PON3: variants seen among roughly 807,000 people sequenced by gnomAD.
The protein encoded by PON3 is serum paraoxonase/lactonase 3.
In PON3, 37 loss-of-function variants were observed where a neutral mutation model predicts 36.3. That is an observed-to-expected ratio of 1.02 (90% CI 0.78 to 1.34). The LOEUF is 1.34. PON3 is among the 40% of genes most tolerant of loss of function. PON3 has a pLI of 0.00. For missense variants in PON3, 415 were observed against 426.5 expected (o/e 0.97, Z 0.24); for synonymous variants, 155 against 154.8 (o/e 1.00, Z -0.01).
chr7:95,368,763 G>A (rs1808749195), intron 4 of PON3, among the ~76,000 whole-genome samples: 1 of 145,968 alleles, frequency 6.9e-6, no homozygotes, highest in Admixed American at 7.0e-5. Context: ...CTGATTATAT[G>A]ACTGTTATTG....
chr7:95,359,959 T>A lies in PON3; in HGVS notation c.*14A>T, dbSNP rs2116370303. Reference sequence around the variant, plus strand: ...ATATGTAGACTTTTTTTTTTTTTTTTTACTATCTAGAGTCTAGAGCTCACA... The same window carrying A: ...ATATGTAGACTTTTTTTTTTTTTTTATACTATCTAGAGTCTAGAGCTCACA... On this transcript the variant is annotated 3_prime_UTR_variant, in exon 9 of 9. Coordinates refer to ENST00000265627, the MANE Select transcript of PON3 (RefSeq NM_000940.3). The A allele has an allele frequency of 5.0e-6, 8 of 1,595,768 alleles. No homozygotes were observed. The highest frequency in any genetic ancestry group is 6.0e-6 in the Non-Finnish European group (7 of 1,173,236).
intron 2 of PON3, among the ~76,000 whole-genome samples, chr7:95,393,691 T>A (rs1809368581): frequency 6.6e-6 from 1 of 151,930 alleles, no homozygotes; most frequent in Admixed American, 6.6e-5. Context: ...ATAGGAAAAG[T>A]CTAGAAGCAG....
At chr7:95,389,473 T>G (rs887441830) in intron 3 of PON3, among the ~76,000 whole-genome samples, 1 of 152,168 alleles carries the variant, frequency 6.6e-6, no homozygotes, top group Non-Finnish European at 1.5e-5. Context: ...CAAAATCATA[T>G]CCCCATTTCA....
chr7:95,360,072 G>T lies in PON3; in HGVS notation c.966C>A (p.Asn322Lys), dbSNP rs1007769043. 2.5e-6 allele frequency: 4 copies of T among 1,613,132 alleles called. No homozygotes were observed. The Admixed American group carries it at 5.0e-5, about 20-fold the overall frequency. Residue 322 changes from asparagine (N) to lysine (K), a missense_variant, in exon 9 of 9, where the codon AAC (asparagine) becomes AAA (lysine). Coordinates refer to ENST00000265627, the MANE Select transcript of PON3 (RefSeq NM_000940.3). ...AGGTGCCCTGAAGCACAGAGCCATTGTTGGCATACACGGTGCTCACCCTGG... is the reference window on the plus strand; with the variant it reads ...AGGTGCCCTGAAGCACAGAGCCATTTTTGGCATACACGGTGCTCACCCTGG... ...EKPRVSTVYA[N>K]NGSVLQGTSV...
chr7:95,396,334 G>T lies in PON3; in HGVS notation c.17C>A (p.Ala6Glu), dbSNP rs749809089. MGKLV[A>E]LVLLGVGLSL... The stretch of plus-strand genomic sequence containing the variant: ...CAGGCCGACCCCCAGCAGGACCAGC[G>T]CCACGAGCTTCCCCATGGTCTCGGG... The change falls in exon 1 of 9, where the codon GCG becomes GAG. Residue 6 changes from alanine (A) to glutamate (E), a missense_variant. By Grantham distance (107) the Ala-to-Glu change is moderately radical. Coordinates refer to ENST00000265627, the MANE Select transcript of PON3 (RefSeq NM_000940.3). 1.2e-6 allele frequency: 2 copies of T among 1,613,972 alleles called. No individual in the cohort carries two copies. Among genetic ancestry groups the T allele is most frequent in the South Asian group, 1.1e-5 (1 of 91,060 alleles).
At chr7:95,379,438 G>A (rs1348850163) in intron 3 of PON3, among the ~76,000 whole-genome samples, 1 of 152,250 alleles carries the variant, frequency 6.6e-6, no homozygotes, top group Non-Finnish European at 1.5e-5. Context: ...AAGGGTCAGG[G>A]AATTCCCTTT....
intron 4 of PON3, among the ~76,000 whole-genome samples, chr7:95,370,748 G>A (rs1431701918): frequency 1.3e-5 from 2 of 152,114 alleles, no homozygotes; most frequent in African/African-American, 4.8e-5. Context: ...GGAAACTATT[G>A]TTTTTAAAGC....
At chr7:95,381,287 G>C (rs896472652) in intron 3 of PON3, among the ~76,000 whole-genome samples, 1 of 152,176 alleles carries the variant, frequency 6.6e-6, no homozygotes, top group Non-Finnish European at 1.5e-5. Context: ...GGAAGAAACT[G>C]CATCAACTAA....
At position 95,388,272 on chromosome 7, in the gene PON3, T is replaced by G. The variant is rs557471430; in HGVS notation, c.201+1882A>C. Among the ~76,000 whole-genome samples the G allele has an allele frequency of 2.0e-5, 3 of 152,178 alleles. 1 individual carries two copies. The highest frequency in any genetic ancestry group is 7.2e-5 in the African/African-American group (3 of 41,516). Reference sequence around the variant, plus strand: ...AAAAACAAAGAACCCCGTCAAAAAGTGGGCAAAGAATATGAAGAGACACTT... The same window carrying G: ...AAAAACAAAGAACCCCGTCAAAAAGGGGGCAAAGAATATGAAGAGACACTT... On this transcript the variant is annotated intron_variant, in intron 3 of 8. Coordinates refer to ENST00000265627, the MANE Select transcript of PON3 (RefSeq NM_000940.3).
chr7:95,390,611 C>T (rs944964185), intron 2 of PON3, among the ~76,000 whole-genome samples: 1 of 152,156 alleles, frequency 6.6e-6, no homozygotes, highest in Admixed American at 6.5e-5. Context: ...TCTTTTATTA[C>T]AGGCCTCTCT....
intron 5 of PON3, among the ~76,000 whole-genome samples, chr7:95,366,479 G>C (rs1019818248): frequency 2.0e-5 from 3 of 152,202 alleles, no homozygotes; most frequent in African/African-American, 7.2e-5. Flanking sequence ...TTGAGAAAGA[G>C]AGCAAAGGAA....
chr7:95,372,145 C>G, intron 4 of PON3, 28 bp downstream of exon 4: 1 of 1,603,562 alleles, frequency 6.2e-7, no homozygotes, highest in Non-Finnish European at 8.5e-7. Context: ...CCTCATTTCC[C>G]CCTTATCCCT....
chr7:95,370,901 G>A (rs1027344961), intron 4 of PON3, among the ~76,000 whole-genome samples: 3 of 152,096 alleles, frequency 2.0e-5, no homozygotes, highest in Non-Finnish European at 2.9e-5. Context: ...CCACTATTTA[G>A]TTCCAGAACA....
Position 95,380,722 on chromosome 7 carries a change from C to G in PON3, c.202-8384G>C, listed in dbSNP as rs188429753. Among the ~76,000 whole-genome samples the G allele has an allele frequency of 6.2e-3, 949 of 152,296 alleles. 9 individuals carry two copies. Among genetic ancestry groups the G allele is most frequent in the African/African-American group, 0.022 (897 of 41,560 alleles). ...CTATGTGAAAAGACCAAATCTGCGTCTGATTGGTGTACCTGAAAGTGACGG... is the reference window on the plus strand; with the variant it reads ...CTATGTGAAAAGACCAAATCTGCGTGTGATTGGTGTACCTGAAAGTGACGG... On this transcript the variant is annotated intron_variant, in intron 3 of 8. Coordinates refer to ENST00000265627, the MANE Select transcript of PON3 (RefSeq NM_000940.3).
chr7:95,394,717 G>A lies in PON3; in HGVS notation c.75-3C>T. On this transcript the variant is annotated splice_polypyrimidine_tract_variant and splice_region_variant and intron_variant, in intron 1 of 8. Transcript: ENST00000265627. ...CTCGAGAGGCATTCACCCTTTCTCT[G>A]TAGAAGATAAAACCCAACCCTGGAA... 1 of 1,613,948 alleles carries A rather than the reference G, an allele frequency of 6.2e-7. No individual in the cohort carries two copies. The highest frequency in any genetic ancestry group is 8.5e-7 in the Non-Finnish European group (1 of 1,179,834).
chr7:95,394,753 A>G (rs1204943544), intron 1 of PON3, 39 bp from the exon 2 acceptor site: 2 of 1,530,868 alleles, frequency 1.3e-6, no homozygotes, highest in African/African-American at 1.4e-5. Context: ...GTCAAGGCAC[A>G]GCATTCAAAA....
chr7:95,390,320 T>G lies in PON3; in HGVS notation c.146-111A>C. 7.9e-6 allele frequency: 7 copies of G among 886,938 alleles called. No homozygotes were observed. The South Asian group carries it at 9.2e-5, about 12-fold the overall frequency. 54.9% of individuals were successfully genotyped at this position (886,938 alleles called of 1,614,324 possible). On this transcript the variant is annotated intron_variant, in intron 2 of 8. Transcript: ENST00000265627. The stretch of plus-strand genomic sequence containing the variant: ...GAAACTTCTTTTGGAAATTGTTGAC[T>G]TGTTCAACCATTTACTTGGGAAACC...
chr7:95,375,003 T>C (rs118149164), intron 3 of PON3, among the ~76,000 whole-genome samples: 280 of 152,190 alleles, frequency 1.8e-3, no homozygotes, highest in Non-Finnish European at 3.2e-3. Context: ...CTAGCTTGCC[T>C]TCCCAACCTC....
At chr7:95,371,743 G>A (rs937541995) in intron 4 of PON3, among the ~76,000 whole-genome samples, 3 of 152,060 alleles carry the variant, frequency 2.0e-5, no homozygotes, top group African/African-American at 7.2e-5. Context: ...TCTTTGGGTT[G>A]TTTTTCACTT....
Sources: allele counts gnomAD v4.1 joint callset (sites outside exome capture counted in the v4.1 genomes callset), GRCh38; gene constraint gnomAD v4.1.1; transcripts MANE v1.5; gene names NCBI Gene and HGNC (gene_info 2026-07-23, HGNC 2026-07-21).